Variants in AK9 observed in about 807,000 individuals in gnomAD.
The protein encoded by AK9 is adenylate kinase domain containing 1.
Under a neutral mutation model 239.6 loss-of-function variants are expected in AK9, and 191 were observed. The observed-to-expected ratio is 0.80, with a 90% CI of 0.71 to 0.90. AK9 has a LOEUF of 0.90. Among genes scored for constraint, AK9 ranks in the 40% least tolerant of loss-of-function variants. AK9 has a pLI of 0.00. For synonymous variants in AK9, 689 were observed against 721.0 expected (o/e 0.96, Z 0.71); for missense variants, 1,995 against 2,214.7 (o/e 0.90, Z 1.99).
At chr6:109,661,551 A>C (rs971352834) in intron 6 of AK9, among the ~76,000 whole-genome samples, 8 of 152,184 alleles carry the variant, frequency 5.3e-5, no homozygotes, top group African/African-American at 1.9e-4. Context: ...GTTTCAGTTG[A>C]ATGAGATATC....
intron 1 of AK9, among the ~76,000 whole-genome samples, chr6:109,685,545 T>C (rs768421857): frequency 8.1e-5 from 12 of 148,640 alleles, no homozygotes; most frequent in African/African-American, 3.0e-4. Flanking sequence ...CACATGGACG[T>C]AGGGAGGGGA....
At chr6:109,564,667 G>A (rs1231135821) in intron 22 of AK9, 89 bp downstream of exon 22, 12 of 914,924 alleles carry the variant, frequency 1.3e-5, no homozygotes, top group African/African-American at 3.4e-5. Context: ...TAAGTATGAC[G>A]CACCTACTAT....
chr6:109,675,803 A>G, intron 1 of AK9, 47 bp from the exon 2 acceptor site: 1 of 1,119,598 alleles, frequency 8.9e-7, no homozygotes, highest in Non-Finnish European at 1.3e-6. Flanking sequence ...ATTTGGTTGG[A>G]TGAGGTGACT....
At chr6:109,604,094 G>A (rs575449486) in intron 17 of AK9, among the ~76,000 whole-genome samples, 50 of 151,916 alleles carry the variant, frequency 3.3e-4, no homozygotes, top group African/African-American at 9.4e-4. Flanking sequence ...CCCACTGTCC[G>A]ACAAGCCCCA....
chr6:109,501,402 C>T (rs12212476), intron 35 of AK9, among the ~76,000 whole-genome samples: 52,518 of 151,978 alleles, frequency 0.35, 9,546 homozygotes, highest in South Asian at 0.44. Flanking sequence ...GTTGGGAAAC[C>T]GTGCCCAAAG....
chr6:109,507,451 A>G (rs1778228979), intron 33 of AK9, among the ~76,000 whole-genome samples: 1 of 152,014 alleles, frequency 6.6e-6, no homozygotes, highest in Non-Finnish European at 1.5e-5. Context: ...ATAATATTTG[A>G]GTGGGAATCA....
intron 27 of AK9, among the ~76,000 whole-genome samples, chr6:109,540,265 C>G (rs1265574716): frequency 6.6e-6 from 1 of 152,196 alleles, no homozygotes; most frequent in African/African-American, 2.4e-5. Context: ...TTAGAGCTTC[C>G]TGGCCGCTTT....
intron 19 of AK9, among the ~76,000 whole-genome samples, chr6:109,581,081 C>T (rs529484493): frequency 6.6e-6 from 1 of 151,962 alleles, no homozygotes; most frequent in African/African-American, 2.4e-5. Context: ...CTATATAAGA[C>T]GGTGAACTTA....
At chr6:109,605,664 G>C (rs1792760357) in intron 17 of AK9, among the ~76,000 whole-genome samples, 1 of 152,168 alleles carries the variant, frequency 6.6e-6, no homozygotes, top group African/African-American at 2.4e-5. Flanking sequence ...AAAAGAGGTG[G>C]CTTGAAAGGA....
At chr6:109,527,087 C>A (rs1780619133) in intron 29 of AK9, among the ~76,000 whole-genome samples, 1 of 152,194 alleles carries the variant, frequency 6.6e-6, no homozygotes, top group Admixed American at 6.5e-5. Flanking sequence ...GGCTACCCAA[C>A]ACCTAATGGA....
intron 10 of AK9, among the ~76,000 whole-genome samples, chr6:109,638,707 T>C (rs1272168381): frequency 6.6e-6 from 1 of 152,084 alleles, no homozygotes; most frequent in East Asian, 1.9e-4. Flanking sequence ...AATGTGCAGG[T>C]TTTTTACATA....
intron 5 of AK9, among the ~76,000 whole-genome samples, chr6:109,665,962 G>C (rs551747370): frequency 1.1e-4 from 16 of 152,334 alleles, no homozygotes; most frequent in South Asian, 8.3e-4. Context: ...ACGTGCAACT[G>C]TTTGCAGGAA....
At chr6:109,655,991 C>T (rs747534538) in intron 8 of AK9, among the ~76,000 whole-genome samples, 4 of 152,152 alleles carry the variant, frequency 2.6e-5, no homozygotes, top group Non-Finnish European at 5.9e-5. Context: ...GTAATATAAA[C>T]ACTGTGAGAC....
Position 109,550,219 on chromosome 6 carries a change from G to A in AK9, c.2835C>T (p.Ile945=). ...CTTCTTCTGTGTTTCCTGGTTGCAG[G>A]ATGAAGTTTTCTTTGAGGACCACCG... ...FCPVVLKENF[I]LQPGNTEEAA... The change falls in exon 25 of 41, where the codon ATC becomes ATT. Residue 945 remains isoleucine, a synonymous_variant. Coordinates refer to ENST00000424296, the MANE Select transcript of AK9 (RefSeq NM_001145128.3). 1 of 1,613,552 alleles carries A rather than the reference G, an allele frequency of 6.2e-7. No homozygotes were observed. The highest frequency in any genetic ancestry group is 1.6e-4 in the Middle Eastern group (1 of 6,062).
intron 19 of AK9, among the ~76,000 whole-genome samples, chr6:109,582,456 A>G (rs970466005): frequency 1.3e-5 from 2 of 152,342 alleles, no homozygotes; most frequent in African/African-American, 2.4e-5. Flanking sequence ...GATTACTTTA[A>G]TAAGTTCAGG....
intron 16 of AK9, 52 bp downstream of exon 16, chr6:109,611,958 G>T: frequency 7.9e-7 from 1 of 1,269,890 alleles, no homozygotes; most frequent in Non-Finnish European, 1.1e-6. Flanking sequence ...AACTACTTGT[G>T]TTTTTTAGAA....
Position 109,659,289 on chromosome 6 carries a change from T to C in AK9, c.569A>G (p.Glu190Gly). 1 of 1,606,694 alleles carries C rather than the reference T, an allele frequency of 6.2e-7. No homozygotes were observed. Among genetic ancestry groups the C allele is most frequent in the Non-Finnish European group, 8.5e-7 (1 of 1,178,150 alleles). Reference sequence around the variant, plus strand: ...TTCTCCTTTTCCGTCCTTTTGGGCTTCTTTCTTCTTTTTCCTATGATTCTC... The same window carrying C: ...TTCTCCTTTTCCGTCCTTTTGGGCTCCTTTCTTCTTTTTCCTATGATTCTC... ...VIENHRKKKK[E>G]AQKDGKGEEE... Residue 190 changes from glutamate (E) to glycine (G), a missense_variant, in exon 7 of 41, where the codon GAA becomes GGA. By Grantham distance (98) the Glu-to-Gly change is moderately conservative. Transcript: ENST00000424296.
At chr6:109,597,668 G>A (rs767115196) in intron 17 of AK9, among the ~76,000 whole-genome samples, 104 of 102,540 alleles carry the variant, frequency 1.0e-3, no homozygotes, top group Non-Finnish European at 1.2e-3. Flanking sequence ...GAGAGACACC[G>A]TCTCAAAAAA....
At position 109,628,360 on chromosome 6, in the gene AK9, C is replaced by T. The variant is rs562830111; in HGVS notation, c.1254+4563G>A. Among the ~76,000 whole-genome samples the T allele has an allele frequency of 5.9e-5, 9 of 152,282 alleles. No homozygotes were observed. In the East Asian group the frequency reaches 1.4e-3, roughly 23 times the overall value. ...CAGCTCCCTTCTCCCTGCTGCTCTG[C>T]TTCACAGTGCAGGCTGCTTCAGAAC... On this transcript the variant is annotated intron_variant, in intron 12 of 40. Coordinates refer to ENST00000424296, the MANE Select transcript of AK9 (RefSeq NM_001145128.3).
Sources: allele counts gnomAD v4.1 joint callset (sites outside exome capture counted in the v4.1 genomes callset), GRCh38; gene constraint gnomAD v4.1.1; transcripts MANE v1.5; gene names NCBI Gene and HGNC (gene_info 2026-07-23, HGNC 2026-07-21).